Variants in FILIP1L observed in about 807,000 individuals in gnomAD.
FILIP1L encodes the protein filamin A interacting protein 1 like.
In FILIP1L, 55 loss-of-function variants were observed where a neutral mutation model predicts 96.6. The observed-to-expected ratio is 0.57, with a 90% CI of 0.46 to 0.71. The LOEUF is 0.71. FILIP1L is among the 30% of genes least tolerant of loss of function. The pLI, the probability that FILIP1L is intolerant of heterozygous loss-of-function variation, is 0.00. For synonymous variants in FILIP1L, 467 were observed against 473.9 expected, an observed-to-expected ratio of 0.99 and a Z score of 0.19; for missense variants, 1,304 against 1,321.2, an observed-to-expected ratio of 0.99 and a Z score of 0.20.
chr3:100,076,659 G>T (rs1353205718), intron 1 of FILIP1L, among the ~76,000 whole-genome samples: 1 of 152,114 alleles, frequency 6.6e-6, no homozygotes, highest in East Asian at 1.9e-4. Context: ...GTACTTTACT[G>T]TTCATTTTTC....
At chr3:100,013,720 A>G (rs7610486) in intron 1 of FILIP1L, among the ~76,000 whole-genome samples, 27,571 of 152,178 alleles carry the variant, frequency 0.18, 2,889 homozygotes, top group South Asian at 0.25. Flanking sequence ...AAAATTGTGT[A>G]CATTGACTGT....
chr3:100,108,738 A>G (rs115822758), intron 1 of FILIP1L, among the ~76,000 whole-genome samples: 467 of 152,254 alleles, frequency 3.1e-3, no homozygotes, highest in African/African-American at 0.011. Context: ...TAAGTAAGCA[A>G]ATGAACAAAT....
Position 99,850,475 on chromosome 3 carries a change from T to C in FILIP1L, c.1201A>G (p.Lys401Glu), listed in dbSNP as rs934398420. Residue 401 changes from lysine (K) to glutamate (E), a missense_variant, in exon 5 of 6, where the codon AAG becomes GAG. Transcript: ENST00000477258. ...TGTAACGTCTCCCTTTCAAGCCTCT[T>C]ATTGAGATCTCTGCACTGCTCCTCC... is the stretch of plus-strand genomic sequence containing the variant. ...KMEEQCRDLN[K>E]RLERETLQSK... 1.2e-6 allele frequency: 2 copies of C among 1,613,932 alleles called. No homozygotes were observed. Among genetic ancestry groups the C allele is most frequent in the Non-Finnish European group, 8.5e-7 (1 of 1,179,988 alleles).
At chr3:100,061,273 G>C (rs2107344919) in intron 1 of FILIP1L, among the ~76,000 whole-genome samples, 1 of 152,318 alleles carries the variant, frequency 6.6e-6, no homozygotes, top group East Asian at 1.9e-4. Flanking sequence ...TGTGTAATGA[G>C]AGGCTCCTTA....
Position 99,848,332 on chromosome 3 carries a change from G to C in FILIP1L, c.3344C>G (p.Pro1115Arg), listed in dbSNP as rs1358945823. Residue 1115 changes from proline (P) to arginine (R), a missense_variant, in exon 5 of 6, where the codon CCA (proline) becomes CGA (arginine). Coordinates refer to ENST00000477258, the MANE Select transcript of FILIP1L (RefSeq NM_001387850.1). ...TTGTCGAGGAAGAGGTGTGGCTGTT[G>C]GTGTGATAGTAATACTGCTGGTGAC... ...NKVTSSITIT[P>R]TATPLPRQSQ... is the part of the protein sequence containing the mutation. 3 of 1,614,038 alleles carry C rather than the reference G, an allele frequency of 1.9e-6. No homozygotes were observed. In the East Asian group the frequency reaches 6.7e-5, roughly 36 times the overall value.
intron 4 of FILIP1L, among the ~76,000 whole-genome samples, chr3:99,862,064 A>G (rs776143252): frequency 9.9e-5 from 15 of 152,202 alleles, no homozygotes; most frequent in Non-Finnish European, 2.2e-4. Context: ...TGAGTACTAA[A>G]AGAGTAGGTT....
At chr3:99,938,141 T>G (rs1405820086) in intron 1 of FILIP1L, among the ~76,000 whole-genome samples, 1 of 152,146 alleles carries the variant, frequency 6.6e-6, no homozygotes, top group East Asian at 1.9e-4. Flanking sequence ...TCCACGTAAC[T>G]TACTGGAAAT....
intron 1 of FILIP1L, among the ~76,000 whole-genome samples, chr3:100,013,613 A>G (rs1710231157): frequency 6.6e-6 from 1 of 152,192 alleles, no homozygotes; most frequent in African/African-American, 2.4e-5. Context: ...CAGAAAATGA[A>G]TGACCATATT....
intron 1 of FILIP1L, among the ~76,000 whole-genome samples, chr3:99,954,993 C>T (rs991602494): frequency 6.6e-6 from 1 of 152,206 alleles, no homozygotes; most frequent in African/African-American, 2.4e-5. Context: ...CTCCTCTCAT[C>T]TGTTTTGCCT....
intron 4 of FILIP1L, among the ~76,000 whole-genome samples, chr3:99,922,159 G>GATC (rs1707145631): frequency 1.3e-5 from 2 of 152,148 alleles, no homozygotes. Context: ...CTCTGACCGT[G>GATC]ATCAGTAAAT....
At chr3:100,029,838 A>G (rs964817432) in intron 1 of FILIP1L, among the ~76,000 whole-genome samples, 1 of 152,208 alleles carries the variant, frequency 6.6e-6, no homozygotes, top group African/African-American at 2.4e-5. Flanking sequence ...GAGTCATGAT[A>G]ACATTCTAGG....
At chr3:99,975,654 CAG>C (rs1708948382) in intron 1 of FILIP1L, among the ~76,000 whole-genome samples, 1 of 151,986 alleles carries the variant, frequency 6.6e-6, no homozygotes, top group African/African-American at 2.4e-5. Context: ...GGGTAAACAA[CAG>C]AACTGAGAAA....
intron 1 of FILIP1L, among the ~76,000 whole-genome samples, chr3:100,094,187 G>A (rs1369679124): frequency 1.3e-5 from 2 of 152,162 alleles, no homozygotes; most frequent in Non-Finnish European, 2.9e-5. Flanking sequence ...AGTTAATGAT[G>A]TGGGACATCT....
intron 4 of FILIP1L, among the ~76,000 whole-genome samples, chr3:99,918,939 G>A (rs793439): frequency 0.51 from 77,058 of 152,014 alleles, 19,933 homozygotes; most frequent in African/African-American, 0.59. Context: ...AATACAAATA[G>A]CTCCTTGCCA....
chr3:100,037,607 T>C lies in FILIP1L; in HGVS notation c.-11+76446A>G, dbSNP rs534730850. 1.5e-4 allele frequency among the ~76,000 whole-genome samples: 23 copies of C among 152,316 alleles called. No homozygotes were observed. In the South Asian group the frequency reaches 2.5e-3, roughly 16 times the overall value. On this transcript the variant is annotated intron_variant, in intron 1 of 5. Coordinates refer to ENST00000477258, the MANE Select transcript of FILIP1L (RefSeq NM_001387850.1). ...AGAAATCCTTTTAGCAATCTTTATGTTCAAATCATAAAATGTATAAATAAC... is the reference window on the plus strand; with the variant it reads ...AGAAATCCTTTTAGCAATCTTTATGCTCAAATCATAAAATGTATAAATAAC...
At chr3:99,946,163 A>G (rs1708001209) in intron 1 of FILIP1L, among the ~76,000 whole-genome samples, 1 of 152,218 alleles carries the variant, frequency 6.6e-6, no homozygotes, top group Admixed American at 6.5e-5. Flanking sequence ...GGGCCCTGCA[A>G]TCCATATAGC....
At chr3:100,004,812 A>C (rs182695984) in intron 1 of FILIP1L, among the ~76,000 whole-genome samples, 12 of 152,344 alleles carry the variant, frequency 7.9e-5, no homozygotes, top group Admixed American at 2.0e-4. Flanking sequence ...TGAGATTCTT[A>C]ATGTTTGAGT....
At chr3:99,858,132 A>G (rs1345876177) in intron 4 of FILIP1L, among the ~76,000 whole-genome samples, 1 of 152,152 alleles carries the variant, frequency 6.6e-6, no homozygotes. Flanking sequence ...GGCTGTATCT[A>G]TCTCTTTACT....
intron 4 of FILIP1L, among the ~76,000 whole-genome samples, chr3:99,904,972 T>C (rs1303239429): frequency 6.6e-6 from 1 of 152,108 alleles, no homozygotes; most frequent in Non-Finnish European, 1.5e-5. Flanking sequence ...AAGAAATTGT[T>C]CTCTCAGAGG....
Sources: gnomAD v4.1 joint callset for allele counts (sites outside exome capture counted in the v4.1 genomes callset) on GRCh38, gnomAD v4.1.1 for gene constraint, MANE v1.5 for transcripts, NCBI Gene and HGNC (gene_info 2026-07-23, HGNC 2026-07-21) for gene names.